The following ZFHX3 variants were observed in gnomAD, a reference collection of about 807,000 sequenced individuals.
ZFHX3 encodes zinc finger homeobox protein 3.
In ZFHX3, 42 loss-of-function variants were observed where a neutral mutation model predicts 279.1. The ratio of observed to expected loss-of-function variants is 0.15; its 90% CI spans 0.12 to 0.19. The LOEUF (loss-of-function observed/expected upper bound fraction) is 0.19. ZFHX3 is among the 10% of genes least tolerant of loss of function. The probability of loss-of-function intolerance (pLI) is 1.00; values close to 1 mark genes in which losing one functional copy is unlikely to be tolerated. For missense variants in ZFHX3, 4,981 were observed against 4,754.0 expected, an observed-to-expected ratio of 1.05 and a Z score of -1.40; for synonymous variants, 2,293 against 1,957.8, an observed-to-expected ratio of 1.17 and a Z score of -4.52.
At chr16:73,643,080 C>T (rs1041697101) in intron 2 of ZFHX3, among the ~76,000 whole-genome samples, 1 of 152,148 alleles carries the variant, frequency 6.6e-6, no homozygotes, top group Non-Finnish European at 1.5e-5. Context: ...GAGTGCTAAG[C>T]ATAAGAGATT....
chr16:73,160,774 T>TC (rs202210240), intron 5 of ZFHX3, among the ~76,000 whole-genome samples: 73 of 143,158 alleles, frequency 5.1e-4, no homozygotes, highest in African/African-American at 9.6e-4. Flanking sequence ...TTTCTCTTCT[T>TC]TTTTTTTTTT....
At chr16:73,439,981 G>A (rs921345818) in intron 3 of ZFHX3, among the ~76,000 whole-genome samples, 1 of 150,710 alleles carries the variant, frequency 6.6e-6, no homozygotes, top group African/African-American at 2.4e-5. Flanking sequence ...AAGAGGTTAC[G>A]GTGTAGGCAC....
At chr16:73,835,849 AGGGTGTTTTT>A (rs1961133047) in intron 1 of ZFHX3, among the ~76,000 whole-genome samples, 1 of 152,120 alleles carries the variant, frequency 6.6e-6, no homozygotes, top group Non-Finnish European at 1.5e-5. Context: ...GAAGTAGTCA[AGGGTGTTTTT>A]CAGCCAGCCT....
intron 7 of ZFHX3, among the ~76,000 whole-genome samples, chr16:73,097,220 A>T (rs1966175861): frequency 7.2e-6 from 1 of 139,666 alleles, no homozygotes; most frequent in East Asian, 2.1e-4. Flanking sequence ...CACCACACCC[A>T]GCTAATTTTA....
intron 2 of ZFHX3, among the ~76,000 whole-genome samples, chr16:73,517,643 C>T (rs1318148474): frequency 2.6e-5 from 4 of 152,196 alleles, no homozygotes; most frequent in Non-Finnish European, 5.9e-5. Context: ...AACATAGTAT[C>T]TTTCAACTAT....
At chr16:73,304,885 A>G (rs1473753052) in intron 4 of ZFHX3, among the ~76,000 whole-genome samples, 1 of 152,098 alleles carries the variant, frequency 6.6e-6, no homozygotes, top group Non-Finnish European at 1.5e-5. Flanking sequence ...ACTCCTTGCC[A>G]CAATAAATAA....
chr16:73,580,522 CAG>C (rs1226863564), intron 2 of ZFHX3, among the ~76,000 whole-genome samples: 18 of 145,876 alleles, frequency 1.2e-4, no homozygotes, highest in East Asian at 6.3e-4. Context: ...AAAAAAAAAA[CAG>C]AGAAATTTCC....
chr16:73,733,658 ATTAATT>A (rs1188737595), intron 1 of ZFHX3, among the ~76,000 whole-genome samples: 4 of 152,224 alleles, frequency 2.6e-5, no homozygotes, highest in Admixed American at 6.5e-5. Flanking sequence ...GTTGTATAAT[ATTAATT>A]TTGTCAATAA....
chr16:72,961,974 T>C (rs1961601476), intron 1 of ZFHX3, among the ~76,000 whole-genome samples: 2 of 152,294 alleles, frequency 1.3e-5, no homozygotes, highest in South Asian at 4.1e-4. Context: ...TGAGCCGGGA[T>C]ACAGGTGAGA....
chr16:73,242,853 G>A (rs1234990059), intron 5 of ZFHX3, among the ~76,000 whole-genome samples: 1 of 152,172 alleles, frequency 6.6e-6, no homozygotes, highest in South Asian at 2.1e-4. Context: ...GGAGGTGTGG[G>A]GTAGAGGGTA....
At chr16:72,871,855 G>A (rs1301505582) in intron 4 of ZFHX3, among the ~76,000 whole-genome samples, 2 of 152,096 alleles carry the variant, frequency 1.3e-5, no homozygotes, top group African/African-American at 4.8e-5. Context: ...GGAGGCTGAG[G>A]CAGGCAGATC....
rs2039508208 is a variant in ZFHX3 at position 72,918,757 on chromosome 16, G to A, written c.3217-28795C>T. On this transcript the variant is annotated intron_variant, in intron 3 of 9. Coordinates refer to ENST00000268489, the MANE Select transcript of ZFHX3 (RefSeq NM_006885.4). The stretch of plus-strand genomic sequence containing the variant: ...GTCTCCCAGGCTGGAGCGCAGTGGT[G>A]AAATCTCGGCTCACTGCAAGCTCTG... Among the ~76,000 whole-genome samples the A allele has an allele frequency of 3.3e-5, 5 of 150,318 alleles. No homozygotes were observed. The South Asian group carries it at 1.1e-3, about 32-fold the overall frequency.
chr16:72,966,219 G>A (rs999814192), intron 1 of ZFHX3, among the ~76,000 whole-genome samples: 6 of 152,090 alleles, frequency 3.9e-5, no homozygotes, highest in South Asian at 4.2e-4. Flanking sequence ...CACCAGACTC[G>A]AGGGAACAAT....
intron 1 of ZFHX3, among the ~76,000 whole-genome samples, chr16:73,715,500 T>A (rs941700564): frequency 6.6e-6 from 1 of 151,814 alleles, no homozygotes. Flanking sequence ...CATCCCATTT[T>A]ATAGATGAAG....
intron 2 of ZFHX3, among the ~76,000 whole-genome samples, chr16:73,660,103 A>G (rs919473942): frequency 6.6e-6 from 1 of 152,236 alleles, no homozygotes; most frequent in Non-Finnish European, 1.5e-5. Context: ...GAAATTGAAC[A>G]CTGTTGCTGT....
At chr16:73,629,231 C>G (rs1189062935) in intron 2 of ZFHX3, among the ~76,000 whole-genome samples, 2 of 152,184 alleles carry the variant, frequency 1.3e-5, no homozygotes, top group Non-Finnish European at 2.9e-5. Context: ...GCTGCACACT[C>G]GCTTCCAACC....
At chr16:73,683,355 A>G (rs1429999377) in intron 1 of ZFHX3, among the ~76,000 whole-genome samples, 1 of 152,220 alleles carries the variant, frequency 6.6e-6, no homozygotes, top group African/African-American at 2.4e-5. Flanking sequence ...GATAAATAAA[A>G]TTAATCAGAG....
At chr16:72,945,281 C>T (rs1333769098) in intron 3 of ZFHX3, among the ~76,000 whole-genome samples, 1 of 152,218 alleles carries the variant, frequency 6.6e-6, no homozygotes, top group African/African-American at 2.4e-5. Context: ...GATGGATGAA[C>T]TTGGTCCTAG....
At chr16:73,295,064 A>C (rs2014876085) in intron 4 of ZFHX3, among the ~76,000 whole-genome samples, 1 of 151,866 alleles carries the variant, frequency 6.6e-6, no homozygotes, top group Non-Finnish European at 1.5e-5. Context: ...ATACAAAAAA[A>C]ATTAGCCAGG....
Sources: gnomAD v4.1 joint callset for allele counts (sites outside exome capture counted in the v4.1 genomes callset) on GRCh38, gnomAD v4.1.1 for gene constraint, MANE v1.5 for transcripts, NCBI Gene and HGNC (gene_info 2026-07-23, HGNC 2026-07-21) for gene names.